ISLR2: variants seen among roughly 807,000 people sequenced by gnomAD.
ISLR2 encodes immunoglobulin superfamily containing leucine-rich repeat protein 2.
A neutral mutation model predicts 25.5 loss-of-function variants in ISLR2; 16 were observed. That is an observed-to-expected ratio of 0.63 (90% CI 0.43 to 0.95). The LOEUF is 0.95. Among genes scored for constraint, ISLR2 ranks in the 40% least tolerant of loss-of-function variants. ISLR2 has a pLI of 0.00. For missense variants in ISLR2, 883 were observed against 1,030.7 expected (o/e 0.86, Z 1.96); for synonymous variants, 508 against 486.6 (o/e 1.04, Z -0.58).
chr15:74,140,718 G>A (rs2072606770), downstream of ISLR2, among the ~76,000 whole-genome samples: 1 of 152,222 alleles, frequency 6.6e-6, no homozygotes, highest in African/African-American at 2.4e-5. Flanking sequence ...TAAAGGTATA[G>A]ATAAGAGAAA....
intron 2 of ISLR2, among the ~76,000 whole-genome samples, chr15:74,107,865 T>C (rs1350434215): frequency 6.6e-6 from 1 of 152,084 alleles, no homozygotes; most frequent in Non-Finnish European, 1.5e-5. Flanking sequence ...TGGGTATGGA[T>C]CAGGCTCTCC....
At chr15:74,141,036 CA>C (rs1041526568), downstream of ISLR2, among the ~76,000 whole-genome samples, 1 of 152,166 alleles carries the variant, frequency 6.6e-6, no homozygotes, top group Non-Finnish European at 1.5e-5. Flanking sequence ...GGCACAAAAA[CA>C]AAACCAACTT....
intron 2 of ISLR2, among the ~76,000 whole-genome samples, chr15:74,112,185 A>G (rs2072173267): frequency 6.6e-6 from 1 of 152,228 alleles, no homozygotes; most frequent in Non-Finnish European, 1.5e-5. Flanking sequence ...ACTGGCATCT[A>G]TAACCCATTC....
chr15:74,107,240 A>G (rs1475615381), intron 2 of ISLR2, among the ~76,000 whole-genome samples: 1 of 152,176 alleles, frequency 6.6e-6, no homozygotes, highest in African/African-American at 2.4e-5. Context: ...CATCCCGGCA[A>G]AGAACAGTCT....
chr15:74,103,924 C>T (rs2072099974), intron 2 of ISLR2: 1 of 151,768 alleles, frequency 6.6e-6, no homozygotes, highest in Non-Finnish European at 1.5e-5. Flanking sequence ...TGTAAGTTTC[C>T]TGAGGCCTCC....
At chr15:74,108,899 T>C (rs2072143778) in intron 2 of ISLR2, among the ~76,000 whole-genome samples, 1 of 152,144 alleles carries the variant, frequency 6.6e-6, no homozygotes, top group African/African-American at 2.4e-5. Flanking sequence ...ACAGAGGACC[T>C]AGCATGTGCC....
At chr15:74,131,373 G>C (rs1418982599) in intron 2 of ISLR2, 57 bp downstream of exon 2, 6 of 152,762 alleles carry the variant, frequency 3.9e-5, no homozygotes, top group Non-Finnish European at 7.3e-5. Flanking sequence ...GTCCAGCCTA[G>C]GGCACCTGAT....
At chr15:74,128,666 C>T (rs1567159142), upstream of ISLR2, 1 of 456,284 alleles carries the variant, frequency 2.2e-6, no homozygotes, top group South Asian at 1.5e-5. Context: ...AGGTAAAAAC[C>T]GGCGGAGGGC....
chr15:74,118,515 A>G lies in ISLR2; in HGVS notation n.229-12692A>G, dbSNP rs1019725567. On this transcript the variant is annotated intron_variant and non_coding_transcript_variant, in intron 2 of 3. Transcript: ENST00000561975. Reference sequence around the variant, plus strand: ...TCCTCGAAAATAATGGGGCTGATAGAGTATCCAGTGTATCTTAGTTTTTGG... The same window carrying G: ...TCCTCGAAAATAATGGGGCTGATAGGGTATCCAGTGTATCTTAGTTTTTGG... 2.6e-5 allele frequency among the ~76,000 whole-genome samples: 4 copies of G among 152,152 alleles called. No homozygotes were observed. In the East Asian group the frequency reaches 5.8e-4, roughly 22 times the overall value.
At chr15:74,110,440 C>T (rs1266930037) in intron 2 of ISLR2, among the ~76,000 whole-genome samples, 1 of 152,152 alleles carries the variant, frequency 6.6e-6, no homozygotes, top group Non-Finnish European at 1.5e-5. Flanking sequence ...TTTGTAATAG[C>T]CTCAAACTGG....
intron 2 of ISLR2, among the ~76,000 whole-genome samples, chr15:74,118,967 A>G (rs1004813428): frequency 7.3e-5 from 11 of 151,294 alleles, no homozygotes; most frequent in African/African-American, 2.7e-4. Flanking sequence ...TGCTTTTATT[A>G]TTTTTAATCT....
chr15:74,135,047 C>A lies in ISLR2; in HGVS notation c.*55C>A. Reference sequence around the variant, plus strand: ...GACCTCCACCTAGGGTGCCTGGGAGCAGCAGTCTAGGGCTGGCAGGACTTA... The same window carrying A: ...GACCTCCACCTAGGGTGCCTGGGAGAAGCAGTCTAGGGCTGGCAGGACTTA... On this transcript the variant is annotated 3_prime_UTR_variant, in exon 3 of 3. Transcript: ENST00000453268. 6.3e-7 allele frequency: 1 copy of A among 1,576,408 alleles called. No individual in the cohort carries two copies. Among genetic ancestry groups the A allele is most frequent in the Non-Finnish European group, 8.6e-7 (1 of 1,159,054 alleles).
chr15:74,141,066 G>C (rs1412490506), downstream of ISLR2, among the ~76,000 whole-genome samples: 1 of 152,216 alleles, frequency 6.6e-6, no homozygotes, highest in Non-Finnish European at 1.5e-5. Flanking sequence ...AAATTAGTTG[G>C]AAAGACTTTG....
upstream of ISLR2, chr15:74,128,358 T>C: frequency 2.3e-6 from 1 of 433,176 alleles, no homozygotes; most frequent in Non-Finnish European, 4.5e-6. Flanking sequence ...AAGCATTTGC[T>C]GTAGAGTGAG....
Position 74,134,348 on chromosome 15 carries a change from C to G in ISLR2, c.1594C>G (p.Leu532Val), listed in dbSNP as rs1041944791. The G allele has an allele frequency of 1.4e-5, 22 of 1,590,186 alleles. No individual in the cohort carries two copies. The highest frequency in any genetic ancestry group is 1.7e-4 in the Middle Eastern group (1 of 5,906). Residue 532 changes from leucine to valine, a missense_variant, in exon 3 of 3, where the codon CTG becomes GTG. Around this residue, in one of 2 missense-constraint regions of ISLR2, gnomAD observed 612 missense variants for 642.8 expected, o/e 0.95. Transcript: ENST00000453268. Reference sequence around the variant, plus strand: ...GCGGCGACCCCTGCGCCTACTCTATCTGTGTCCAGCGGGGGGCGGCGCGGC... The same window carrying G: ...GCGGCGACCCCTGCGCCTACTCTATGTGTGTCCAGCGGGGGGCGGCGCGGC... Reference protein sequence around the residue: ...PGRRPLRLLYLCPAGGGAAVQ... With the variant: ...PGRRPLRLLYVCPAGGGAAVQ...
At chr15:74,120,943 CTCCTCTGTTCTCCTT>C (rs2072248172) in intron 2 of ISLR2, among the ~76,000 whole-genome samples, 1 of 152,044 alleles carries the variant, frequency 6.6e-6, no homozygotes, top group Non-Finnish European at 1.5e-5. Flanking sequence ...TTCCTCTCCT[CTCCTCTGTTCTCCTT>C]TCCTCTGTTC....
At chr15:74,102,774 AAAGAT>A (rs1209286652) in intron 1 of ISLR2, among the ~76,000 whole-genome samples, 1 of 151,914 alleles carries the variant, frequency 6.6e-6, no homozygotes, top group Admixed American at 6.5e-5. Context: ...GTACAGTAGA[AAAGAT>A]AACTCCCAAA....
chr15:74,118,582 G>GA (rs1321397459), intron 2 of ISLR2, among the ~76,000 whole-genome samples: 1 of 151,816 alleles, frequency 6.6e-6, no homozygotes, highest in Non-Finnish European at 1.5e-5. Flanking sequence ...TGGAGCATCT[G>GA]AAAAAATGGG....
At chr15:74,124,773 A>C (rs930491516), upstream of ISLR2, among the ~76,000 whole-genome samples, 3 of 152,164 alleles carry the variant, frequency 2.0e-5, no homozygotes, top group Non-Finnish European at 2.9e-5. Context: ...AGAAAAAAAA[A>C]CAAAAAACAC....
Sources: gnomAD v4.1 joint callset for allele counts (sites outside exome capture counted in the v4.1 genomes callset) on GRCh38, gnomAD v4.1.1 for gene constraint, gnomAD v4.1.1 regional missense constraint, MANE v1.5 for transcripts, NCBI Gene and HGNC (gene_info 2026-07-23, HGNC 2026-07-21) for gene names.